Variants in CREB5 observed in about 807,000 individuals in gnomAD.
CREB5 encodes the protein cyclic AMP-responsive element-binding protein 5.
Under a neutral mutation model 57.1 loss-of-function variants are expected in CREB5, and 19 were observed. The ratio of observed to expected loss-of-function variants is 0.33; its 90% confidence interval spans 0.23 to 0.49. The LOEUF is 0.49. Among genes scored for constraint, CREB5 ranks in the 20% least tolerant of loss-of-function variants. The pLI is 0.99. For missense variants in CREB5, 579 were observed against 671.6 expected (o/e 0.86, Z 1.52); for synonymous variants, 238 against 238.3 (o/e 1.00, Z 0.01).
At chr7:28,705,716 C>T (rs2128740164) in intron 5 of CREB5, among the ~76,000 whole-genome samples, 1 of 152,314 alleles carries the variant, frequency 6.6e-6, no homozygotes, top group East Asian at 1.9e-4. Flanking sequence ...ATAGGACTGT[C>T]TGAGGAATCA....
chr7:28,474,365 C>T (rs939821017), intron 1 of CREB5, among the ~76,000 whole-genome samples: 1 of 152,104 alleles, frequency 6.6e-6, no homozygotes, highest in Non-Finnish European at 1.5e-5. Flanking sequence ...TCTTGCTCTC[C>T]CCATGTGTGG....
chr7:28,726,117 C>T (rs529698288), intron 7 of CREB5, among the ~76,000 whole-genome samples: 1 of 152,216 alleles, frequency 6.6e-6, no homozygotes, highest in East Asian at 1.9e-4. Context: ...AGTTTTACCC[C>T]ACAAATGTTT....
chr7:28,603,225 T>C (rs1052790191), intron 5 of CREB5, among the ~76,000 whole-genome samples: 1 of 152,198 alleles, frequency 6.6e-6, no homozygotes, highest in Non-Finnish European at 1.5e-5. Flanking sequence ...AACTGCATCC[T>C]ATCCCCAAAT....
At chr7:28,632,357 T>G (rs1798236004) in intron 5 of CREB5, among the ~76,000 whole-genome samples, 1 of 152,184 alleles carries the variant, frequency 6.6e-6, no homozygotes, top group Admixed American at 6.5e-5. Context: ...AGTTGACTGA[T>G]GACAGGACAT....
At chr7:28,687,621 C>G (rs557784466) in intron 5 of CREB5, among the ~76,000 whole-genome samples, 1 of 151,322 alleles carries the variant, frequency 6.6e-6, no homozygotes, top group Non-Finnish European at 1.5e-5. Flanking sequence ...CAAAACTTCT[C>G]TTGGGCTTAT....
intron 5 of CREB5, among the ~76,000 whole-genome samples, chr7:28,672,861 CTG>C (rs1448817849): frequency 6.6e-6 from 1 of 152,232 alleles, no homozygotes; most frequent in East Asian, 1.9e-4. Flanking sequence ...TGCTCCAACA[CTG>C]TGTGAGATTG....
At position 28,583,818 on chromosome 7, in the gene CREB5, A is replaced by G. The variant is rs1254696103; in HGVS notation, c.464+13281A>G. Among the ~76,000 whole-genome samples, 4 of 152,064 alleles carry G rather than the reference A, an allele frequency of 2.6e-5. No individual in the cohort carries two copies. In the South Asian group the frequency reaches 6.2e-4, roughly 24 times the overall value. Reference sequence around the variant, plus strand: ...CTCAGCCTCCAGAGTAGCCGGGTTTACAGGCATGATCCCCCACGCCCGGCT... The same window carrying G: ...CTCAGCCTCCAGAGTAGCCGGGTTTGCAGGCATGATCCCCCACGCCCGGCT... On this transcript the variant is annotated intron_variant, in intron 5 of 10. Coordinates refer to ENST00000357727, the MANE Select transcript of CREB5 (RefSeq NM_182898.4).
chr7:28,498,838 T>C (rs779129379), intron 3 of CREB5, among the ~76,000 whole-genome samples: 1 of 152,192 alleles, frequency 6.6e-6, no homozygotes, highest in Non-Finnish European at 1.5e-5. Flanking sequence ...CCTAATGTGA[T>C]GATAGATGTG....
chr7:28,686,208 AATTTT>A (rs1216326060), intron 5 of CREB5: 1 of 1,603,052 alleles, frequency 6.2e-7, no homozygotes, highest in East Asian at 2.2e-5. Context: ...GTTTGTTTTT[AATTTT>A]ATTTTCTTTT....
chr7:28,782,317 T>C (rs1807034507), intron 7 of CREB5, among the ~76,000 whole-genome samples: 1 of 152,128 alleles, frequency 6.6e-6, no homozygotes, highest in African/African-American at 2.4e-5. Context: ...AATCTCCAGA[T>C]ATAATTATCA....
chr7:28,737,575 A>G (rs1337901227), intron 7 of CREB5, among the ~76,000 whole-genome samples: 3 of 36,886 alleles, frequency 8.1e-5, no homozygotes, highest in African/African-American at 2.5e-4. Context: ...ATATATATAT[A>G]TATATATATA....
At chr7:28,505,987 A>C (rs576668395) in intron 3 of CREB5, among the ~76,000 whole-genome samples, 3 of 152,322 alleles carry the variant, frequency 2.0e-5, no homozygotes, top group Non-Finnish European at 2.9e-5. Flanking sequence ...TGTAATGCCG[A>C]ATTTACGAAC....
intron 7 of CREB5, among the ~76,000 whole-genome samples, chr7:28,784,084 A>G (rs1562638488): frequency 6.6e-6 from 1 of 152,232 alleles, no homozygotes; most frequent in Admixed American, 6.5e-5. Context: ...CGTCACTCAG[A>G]TGACTTTGTC....
intron 5 of CREB5, among the ~76,000 whole-genome samples, chr7:28,702,975 G>A (rs1291505141): frequency 6.6e-6 from 1 of 151,878 alleles, no homozygotes; most frequent in African/African-American, 2.4e-5. Flanking sequence ...TGGAAGCTTG[G>A]GTGGATAGAC....
At chr7:28,754,178 T>G (rs1253577050) in intron 7 of CREB5, among the ~76,000 whole-genome samples, 1 of 152,034 alleles carries the variant, frequency 6.6e-6, no homozygotes, top group Non-Finnish European at 1.5e-5. Context: ...GAGAGTGAGG[T>G]AAGAACACAG....
chr7:28,346,236 A>G (rs1328396982), intron 1 of CREB5, among the ~76,000 whole-genome samples: 1 of 152,218 alleles, frequency 6.6e-6, no homozygotes, highest in African/African-American at 2.4e-5. Context: ...GTTGGCTTAT[A>G]AACAACAGAC....
intron 1 of CREB5, among the ~76,000 whole-genome samples, chr7:28,405,319 GA>G (rs1453069001): frequency 6.6e-6 from 1 of 152,166 alleles, no homozygotes; most frequent in Non-Finnish European, 1.5e-5. Context: ...TTGGAAGTGG[GA>G]AAAGGTCACT....
In CREB5 at chr7:28,466,676, G is replaced by A. The variant is rs529200353; in HGVS notation, c.4-21499G>A. ...TGCCCTGAATGGTCTGACTTTTCTC[G>A]GTTCAAGTGAGTCCAGATTCTGAGA... On this transcript the variant is annotated intron_variant, in intron 1 of 10. Transcript: ENST00000357727. Among the ~76,000 whole-genome samples the A allele has an allele frequency of 5.9e-5, 9 of 152,110 alleles. 1 individual carries two copies. In the South Asian group the frequency reaches 1.5e-3, roughly 25 times the overall value.
chr7:28,642,977 CACACACACAT>C (rs1232292597), intron 5 of CREB5, among the ~76,000 whole-genome samples: 147 of 111,738 alleles, frequency 1.3e-3, no homozygotes, highest in Non-Finnish European at 2.0e-3. Context: ...CACACACACA[CACACACACAT>C]ACACACACAC....
Sources: allele counts gnomAD v4.1 joint callset (sites outside exome capture counted in the v4.1 genomes callset), GRCh38; gene constraint gnomAD v4.1.1; transcripts MANE v1.5; gene names NCBI Gene and HGNC (gene_info 2026-07-23, HGNC 2026-07-21).